ERC2: variants seen among roughly 807,000 people sequenced by gnomAD.
The protein encoded by ERC2 is ERC protein 2.
A neutral mutation model predicts 114.8 loss-of-function variants in ERC2; 42 were observed. That is an observed-to-expected ratio of 0.37 (90% CI 0.29 to 0.47). ERC2 has a LOEUF of 0.47. ERC2 is among the 20% of genes least tolerant of loss of function. The probability of loss-of-function intolerance (pLI) is 0.99; values close to 1 mark genes in which losing one functional copy is unlikely to be tolerated. For missense variants in ERC2, 939 were observed against 1,150.7 expected, an observed-to-expected ratio of 0.82 and a Z score of 2.66; for synonymous variants, 454 against 425.5, an observed-to-expected ratio of 1.07 and a Z score of -0.82.
rs528415500 is a variant in ERC2, at chr3:56,124,456, C to G, written c.1473+15053G>C. Among the ~76,000 whole-genome samples, 3 of 152,322 alleles carry G rather than the reference C, an allele frequency of 2.0e-5. No homozygotes were observed. In the East Asian group the frequency reaches 5.8e-4, roughly 29 times the overall value. On this transcript the variant is annotated intron_variant, in intron 6 of 17. Transcript: ENST00000288221. Reference sequence around the variant, plus strand: ...TGAAGATGAAGACAAATGCAAAGCTCTATTCACTTTTTCATAGTGGTCAAT... The same window carrying G: ...TGAAGATGAAGACAAATGCAAAGCTGTATTCACTTTTTCATAGTGGTCAAT...
chr3:56,244,784 T>C (rs1276753562), intron 3 of ERC2, among the ~76,000 whole-genome samples: 3 of 152,198 alleles, frequency 2.0e-5, no homozygotes, highest in Non-Finnish European at 4.4e-5. Context: ...TATACAGTAG[T>C]GTCCTAGGCC....
At position 56,403,912 on chromosome 3, in the gene ERC2, T is replaced by C. The variant is rs922516814; in HGVS notation, c.657+30439A>G. Among the ~76,000 whole-genome samples, 3 of 152,238 alleles carry C rather than the reference T, an allele frequency of 2.0e-5. 1 individual carries two copies. Among genetic ancestry groups the C allele is most frequent in the African/African-American group, 4.8e-5 (2 of 41,468 alleles). On this transcript the variant is annotated intron_variant, in intron 2 of 17. Transcript: ENST00000288221. ...CTGAAAGTGAGACCATCACTTTCTTTAAGCTGGATACCATGCTGCTTTCAA... is the reference window on the plus strand; with the variant it reads ...CTGAAAGTGAGACCATCACTTTCTTCAAGCTGGATACCATGCTGCTTTCAA...
chr3:55,545,097 T>A, intron 17 of ERC2, among the ~76,000 whole-genome samples: 1 of 152,204 alleles, frequency 6.6e-6, no homozygotes, highest in East Asian at 1.9e-4. Context: ...CCAAAAGACT[T>A]CTCTCCCATC....
chr3:56,021,969 T>C (rs2073750114), intron 7 of ERC2, among the ~76,000 whole-genome samples: 1 of 152,218 alleles, frequency 6.6e-6, no homozygotes, highest in South Asian at 2.1e-4. Flanking sequence ...ATCCAGTCTG[T>C]CATTAATGGG....
intron 13 of ERC2, among the ~76,000 whole-genome samples, chr3:55,889,664 G>C (rs968729602): frequency 2.0e-5 from 3 of 151,984 alleles, no homozygotes; most frequent in African/African-American, 7.3e-5. Context: ...ACAGATGCAG[G>C]CTGTGTCCTC....
intron 17 of ERC2, among the ~76,000 whole-genome samples, chr3:55,512,162 G>A (rs1027292211): frequency 1.3e-5 from 2 of 152,110 alleles, no homozygotes; most frequent in African/African-American, 2.4e-5. Context: ...AGCATTTTTC[G>A]AGTCACGCCG....
chr3:56,448,042 C>A (rs2107499284), intron 1 of ERC2, among the ~76,000 whole-genome samples: 1 of 152,280 alleles, frequency 6.6e-6, no homozygotes, highest in Admixed American at 6.5e-5. Flanking sequence ...TATGCCCAGC[C>A]TGCACCGGTT....
intron 2 of ERC2, among the ~76,000 whole-genome samples, chr3:56,320,674 A>T (rs115324740): frequency 1.2e-3 from 179 of 152,332 alleles, no homozygotes; most frequent in Middle Eastern, 6.8e-3. Context: ...GAAAAAAAAT[A>T]AATCTAGAAG....
chr3:56,288,696 G>C (rs1422713865), intron 3 of ERC2, among the ~76,000 whole-genome samples: 2 of 152,244 alleles, frequency 1.3e-5, no homozygotes, highest in Non-Finnish European at 2.9e-5. Flanking sequence ...TCAGATTACA[G>C]AGAGAGCGCT....
chr3:56,454,108 CAG>C (rs964573531), intron 1 of ERC2, among the ~76,000 whole-genome samples: 32 of 152,208 alleles, frequency 2.1e-4, no homozygotes, highest in African/African-American at 7.0e-4. Context: ...TTTTGCAAAA[CAG>C]ATGATTCAAC....
In ERC2 at chr3:55,779,659, C is replaced by T. The variant is rs550368856; in HGVS notation, c.2565-44741G>A. On this transcript the variant is annotated intron_variant, in intron 14 of 17. Transcript: ENST00000288221. The stretch of plus-strand genomic sequence containing the variant: ...ACACTTGCAAAAAAAACCCCAGCAG[C>T]ACATTGCAGAAAGAATACAAACACG... Among the ~76,000 whole-genome samples the T allele has an allele frequency of 2.0e-5, 3 of 152,232 alleles. No individual in the cohort carries two copies. In the East Asian group the frequency reaches 5.8e-4, roughly 29 times the overall value.
chr3:56,461,993 G>T (rs1364501498), intron 1 of ERC2, among the ~76,000 whole-genome samples: 1 of 152,176 alleles, frequency 6.6e-6, no homozygotes, highest in African/African-American at 2.4e-5. Flanking sequence ...AGAATGTTTA[G>T]CAGAAATAAG....
intron 14 of ERC2, among the ~76,000 whole-genome samples, chr3:55,790,822 T>C (rs1388016041): frequency 6.6e-6 from 1 of 152,242 alleles, no homozygotes; most frequent in Non-Finnish European, 1.5e-5. Flanking sequence ...GTTTACTGAA[T>C]GAATGGTAAA....
At chr3:56,386,307 GTCACAGTGAAACAC>G (rs779940332) in intron 2 of ERC2, among the ~76,000 whole-genome samples, 13 of 152,174 alleles carry the variant, frequency 8.5e-5, no homozygotes, top group Admixed American at 2.0e-4. Context: ...TAATAATTAA[GTCACAGTGAAACAC>G]TCCAAGCATC....
intron 16 of ERC2, among the ~76,000 whole-genome samples, chr3:55,697,185 G>T (rs546833722): frequency 6.6e-6 from 1 of 152,328 alleles, no homozygotes; most frequent in Non-Finnish European, 1.5e-5. Context: ...CCACATAGTG[G>T]CTGCCATGGA....
chr3:56,300,280 C>CAAAAAAAA (rs200816892), intron 2 of ERC2, among the ~76,000 whole-genome samples: 2 of 93,218 alleles, frequency 2.1e-5, no homozygotes, highest in Non-Finnish European at 4.4e-5. Context: ...TCATGAAATA[C>CAAAAAAAA]AAAAAAAAAA....
chr3:56,434,647 G>A lies in ERC2; in HGVS notation c.361C>T (p.His121Tyr), dbSNP rs761103425. 2 of 1,613,982 alleles carry A rather than the reference G, an allele frequency of 1.2e-6. No individual in the cohort carries two copies. The highest frequency in any genetic ancestry group is 3.3e-5 in the Admixed American group (2 of 60,024). ...TGGGATGAGCCAGTCAGCCCACCATGTTGATCTGTGTATGAAAGGACATCT... is the reference window on the plus strand; with the variant it reads ...TGGGATGAGCCAGTCAGCCCACCATATTGATCTGTGTATGAAAGGACATCT... The part of the protein sequence containing the change: ...HTDVLSYTDQ[H>Y]GGLTGSSHHH... The change falls in exon 2 of 18, where the codon CAT becomes TAT. Residue 121 changes from histidine to tyrosine, a missense_variant. His to Tyr is a moderately conservative substitution (Grantham distance 83). Around this residue, in one of 5 missense-constraint regions of ERC2, gnomAD observed 281 missense variants for 307.4 expected, o/e 0.91. Transcript: ENST00000288221.
chr3:56,040,272 G>A (rs1345049701), intron 7 of ERC2, among the ~76,000 whole-genome samples: 1 of 151,990 alleles, frequency 6.6e-6, no homozygotes, highest in Non-Finnish European at 1.5e-5. Flanking sequence ...AAGATAGCTT[G>A]TTTTATTTAG....
intron 2 of ERC2, among the ~76,000 whole-genome samples, chr3:56,319,256 T>C (rs928185629): frequency 6.6e-6 from 1 of 151,180 alleles, no homozygotes; most frequent in African/African-American, 2.4e-5. Context: ...CATAAATGGA[T>C]GAACGGATAA....
Sources: allele counts gnomAD v4.1 joint callset (sites outside exome capture counted in the v4.1 genomes callset), GRCh38; gene constraint gnomAD v4.1.1; regional missense constraint gnomAD v4.1.1; transcripts MANE v1.5; gene names NCBI Gene and HGNC (gene_info 2026-07-23, HGNC 2026-07-21).